The following CD99 variants were observed in gnomAD, a reference collection of about 807,000 sequenced individuals.
The protein encoded by CD99 is CD99 antigen.
In CD99, 19 loss-of-function variants were observed where a neutral mutation model predicts 28.4. The observed-to-expected ratio is 0.67, with a 90% CI of 0.47 to 0.98. The LOEUF is 0.98. Ranked by LOEUF, CD99 falls within the 50% of genes least tolerant of loss-of-function variation. The pLI is 0.00. For synonymous variants in CD99, 103 were observed against 92.1 expected (o/e 1.12, Z -0.67); for missense variants, 283 against 248.8 (o/e 1.14, Z -0.92).
intron 1 of CD99, among the ~76,000 whole-genome samples, chrX:2,692,670 C>CCTTT (rs1315013425): frequency 6.6e-6 from 1 of 151,952 alleles, no homozygotes; most frequent in Admixed American, 6.6e-5. Context: ...TCCTAAATGT[C>CCTTT]CTTCTTGCGG....
intron 1 of CD99, among the ~76,000 whole-genome samples, chrX:2,712,345 A>G (rs2048447274): frequency 6.6e-6 from 1 of 152,292 alleles, no homozygotes; most frequent in African/African-American, 2.4e-5. Flanking sequence ...AATGCGTTGC[A>G]TACTTGAAAA....
chrX:2,691,336 C>G lies in CD99; in HGVS notation c.-25C>G. On this transcript the variant is annotated 5_prime_UTR_variant, in exon 1 of 10. Coordinates refer to ENST00000381192, the MANE Select transcript of CD99 (RefSeq NM_002414.5). ...TCGCCCACGCCCTGCACTCCGGGAC[C>G]GTCCCTGCGCGCTCTGGGCGCACCA... 1 of 1,541,094 alleles carries G rather than the reference C, an allele frequency of 6.5e-7. No homozygotes were observed. Among genetic ancestry groups the G allele is most frequent in the Non-Finnish European group, 8.7e-7 (1 of 1,153,414 alleles).
intron 3 of CD99, chrX:2,719,444 G>T (rs1330377399): frequency 6.0e-5 from 37 of 612,540 alleles, no homozygotes; most frequent in Non-Finnish European, 1.1e-4. Context: ...CTTTTTATCT[G>T]TCTCTGTCTC....
intron 6 of CD99, 144 bp downstream of exon 6, chrX:2,722,818 G>C: frequency 1.1e-6 from 1 of 890,262 alleles, no homozygotes; most frequent in South Asian, 1.4e-5. Flanking sequence ...AACTCCGCCT[G>C]TTTGCTGAGG....
chrX:2,702,810 C>G (rs1353501921), intron 1 of CD99, among the ~76,000 whole-genome samples: 1 of 151,580 alleles, frequency 6.6e-6, no homozygotes, highest in African/African-American at 2.4e-5. Flanking sequence ...TGGATGGAGT[C>G]TCCCTCTTTC....
chrX:2,692,009 G>C (rs2047330928), intron 1 of CD99: 1 of 723,180 alleles, frequency 1.4e-6, no homozygotes, highest in Non-Finnish European at 2.6e-6. Flanking sequence ...CGTGCTGTGC[G>C]CCAAGCAACA....
intron 1 of CD99, chrX:2,692,163 T>C (rs1203462742): frequency 1.9e-6 from 1 of 528,608 alleles, no homozygotes; most frequent in East Asian, 3.2e-5. Flanking sequence ...ATTATTACTT[T>C]AATCATGTTT....
intron 1 of CD99, among the ~76,000 whole-genome samples, chrX:2,712,082 G>A (rs1451532542): frequency 2.6e-5 from 4 of 152,130 alleles, no homozygotes; most frequent in Admixed American, 2.6e-4. Context: ...CAACATGGAT[G>A]GAACTGGAGG....
At chrX:2,713,129 CAT>C (rs1490823058) in intron 1 of CD99, among the ~76,000 whole-genome samples, 1 of 125,354 alleles carries the variant, frequency 8.0e-6, no homozygotes, top group Non-Finnish European at 1.6e-5. Flanking sequence ...TCCGCCTACA[CAT>C]ACACACACAA....
chrX:2,713,110 C>T (rs764598451), intron 1 of CD99, among the ~76,000 whole-genome samples: 1 of 145,872 alleles, frequency 6.9e-6, no homozygotes, highest in South Asian at 2.2e-4. Flanking sequence ...AACACATATA[C>T]ACACTACATC....
chrX:2,720,255 A>G (rs2048928923), intron 4 of CD99, 101 bp from the exon 5 acceptor site: 3 of 1,042,620 alleles, frequency 2.9e-6, no homozygotes, highest in Admixed American at 1.7e-5. Flanking sequence ...ACAAAGGCCA[A>G]GGTCCAATTT....
At chrX:2,716,666 C>T (rs1001794979) in intron 2 of CD99, among the ~76,000 whole-genome samples, 4 of 152,192 alleles carry the variant, frequency 2.6e-5, no homozygotes, top group African/African-American at 9.7e-5. Context: ...TGCACCTCGC[C>T]AGCTTTTAAT....
intron 8 of CD99, chrX:2,733,581 A>T: frequency 1.8e-6 from 1 of 564,654 alleles, no homozygotes. Flanking sequence ...ACAGAAGCTC[A>T]TTATAGCAAA....
At chrX:2,692,256 C>G (rs1270188195) in intron 1 of CD99, 5 of 120,574 alleles carry the variant, frequency 4.1e-5, no homozygotes, top group African/African-American at 1.1e-4. Flanking sequence ...GTTATAAATT[C>G]TTTTTTCAAT....
chrX:2,699,651 C>A (rs893445608), intron 1 of CD99, among the ~76,000 whole-genome samples: 16 of 152,182 alleles, frequency 1.1e-4, no homozygotes, highest in Admixed American at 9.8e-4. Context: ...GAGACAGGGT[C>A]TCCCTATGTT....
intron 8 of CD99, chrX:2,733,594 A>G (rs2049789031): frequency 1.8e-6 from 1 of 544,486 alleles, no homozygotes; most frequent in Non-Finnish European, 3.3e-6. Context: ...ATAGCAAATC[A>G]TATTTCTGCA....
intron 1 of CD99, among the ~76,000 whole-genome samples, chrX:2,696,927 T>G (rs754721308): frequency 1.7e-3 from 264 of 152,290 alleles, no homozygotes; most frequent in African/African-American, 5.9e-3. Flanking sequence ...GGTCTCCTAG[T>G]CATAGTATTA....
chrX:2,733,692 A>G (rs2049793555), intron 8 of CD99: 2 of 456,014 alleles, frequency 4.4e-6, no homozygotes, highest in Non-Finnish European at 7.8e-6. Context: ...CCATGTTTTA[A>G]TGAGTTTTGT....
At chrX:2,708,891 G>A (rs1274475662) in intron 1 of CD99, among the ~76,000 whole-genome samples, 1 of 152,136 alleles carries the variant, frequency 6.6e-6, no homozygotes, top group Non-Finnish European at 1.5e-5. Context: ...GGGAGGGCCT[G>A]TGCCCTCCCC....
Sources: allele counts gnomAD v4.1 joint callset (sites outside exome capture counted in the v4.1 genomes callset), GRCh38; gene constraint gnomAD v4.1.1; transcripts MANE v1.5; gene names NCBI Gene and HGNC (gene_info 2026-07-23, HGNC 2026-07-21).